Variants in MYO16 observed in about 807,000 individuals in gnomAD.
MYO16 encodes unconventional myosin-XVI.
Under a neutral mutation model 205.3 loss-of-function variants are expected in MYO16, and 94 were observed. The observed-to-expected ratio is 0.46, with a 90% CI of 0.39 to 0.54. MYO16 has a LOEUF of 0.54. Ranked by LOEUF, MYO16 falls within the 20% of genes least tolerant of loss-of-function variation. The pLI, the probability that MYO16 is intolerant of heterozygous loss-of-function variation, is 0.00. For missense variants in MYO16, 2,315 were observed against 2,387.5 expected (o/e 0.97, Z 0.63); for synonymous variants, 988 against 954.0 (o/e 1.04, Z -0.66).
At chr13:108,880,926 G>T (rs188269553) in intron 12 of MYO16, among the ~76,000 whole-genome samples, 1 of 152,254 alleles carries the variant, frequency 6.6e-6, no homozygotes, top group Non-Finnish European at 1.5e-5. Context: ...TGATGAAGAT[G>T]GCATTGAATC....
the MYO16 span, among the ~76,000 whole-genome samples, chr13:108,507,023 A>G: frequency 3.3e-5 from 5 of 152,176 alleles, no homozygotes; most frequent in African/African-American, 1.2e-4. Context: ...CTTACATTAC[A>G]GGAATTAATC....
intron 30 of MYO16, among the ~76,000 whole-genome samples, chr13:109,126,322 C>T (rs1876246171): frequency 6.6e-6 from 1 of 152,162 alleles, no homozygotes; most frequent in South Asian, 2.1e-4. Flanking sequence ...TCAGCTATTT[C>T]ATTTTCTACA....
At position 109,083,425 on chromosome 13, in the gene MYO16, T is replaced by C. The variant is rs185772548; in HGVS notation, c.3336-17360T>C. On this transcript the variant is annotated intron_variant, in intron 27 of 34. Transcript: ENST00000457511. ...AAAAAAAAAAAAAAAAAAAAGCTTC[T>C]GCAGTAGAGACGATCAAAAAGCAAG... Among the ~76,000 whole-genome samples, 297 of 130,932 alleles carry C rather than the reference T, an allele frequency of 2.3e-3. 3 individuals are homozygous for C. In the East Asian group the frequency reaches 0.048, roughly 21 times the overall value. The allele number at this position is 130,932 out of a possible 152,430, so 85.9% of individuals were successfully genotyped here.
intron 9 of MYO16, among the ~76,000 whole-genome samples, chr13:108,843,957 A>T (rs1877380349): frequency 6.6e-6 from 1 of 152,126 alleles, no homozygotes; most frequent in African/African-American, 2.4e-5. Context: ...TAAACTAATT[A>T]TACAATTATG....
intron 14 of MYO16, among the ~76,000 whole-genome samples, chr13:108,894,817 C>A (rs983829085): frequency 2.0e-5 from 3 of 152,156 alleles, no homozygotes; most frequent in African/African-American, 7.2e-5. Context: ...TTCAGAGCAG[C>A]TAAGAGCAGT....
rs1169461417 is a variant in MYO16, at chr13:109,162,775, A to G, written c.5165-2126A>G. 6.6e-6 allele frequency among the ~76,000 whole-genome samples: 1 copy of G among 152,176 alleles called. No homozygotes were observed. Among genetic ancestry groups the G allele is most frequent in the Non-Finnish European group, 1.5e-5 (1 of 68,030 alleles). The stretch of plus-strand genomic sequence containing the variant: ...CAAAAATAAAATAGGTGAAAGCAAC[A>G]TAAAAGCAGGTGAGTACATCTTGAG... On this transcript the variant is annotated intron_variant, in intron 32 of 34. Coordinates refer to ENST00000457511, the MANE Select transcript of MYO16 (RefSeq NM_001198950.3). This position sits in a 1 kb window ranked among gnomAD's most constrained non-coding sequence, Gnocchi z 4.6.
chr13:108,627,334 A>C (rs144352330), upstream of MYO16, among the ~76,000 whole-genome samples: 19 of 152,274 alleles, frequency 1.2e-4, no homozygotes, highest in East Asian at 3.5e-3. Flanking sequence ...AGCACATTCT[A>C]AGTAGTTTAA....
chr13:108,890,268 C>G (rs1262002982), intron 14 of MYO16, among the ~76,000 whole-genome samples: 1 of 152,018 alleles, frequency 6.6e-6, no homozygotes, highest in Non-Finnish European at 1.5e-5. Flanking sequence ...CCAACACATT[C>G]TGAATATCCT....
At chr13:109,196,126 C>A (rs1880141212) in intron 34 of MYO16, among the ~76,000 whole-genome samples, 1 of 152,118 alleles carries the variant, frequency 6.6e-6, no homozygotes, top group African/African-American at 2.4e-5. Flanking sequence ...ATCACTTTAT[C>A]AAACTCCATC....
At chr13:109,022,736 T>C (rs1464896584) in intron 23 of MYO16, among the ~76,000 whole-genome samples, 1 of 134,048 alleles carries the variant, frequency 7.5e-6, no homozygotes, top group Non-Finnish European at 1.5e-5. Context: ...TATGTATATA[T>C]TATATATATG....
intron 27 of MYO16, among the ~76,000 whole-genome samples, chr13:109,078,771 A>G (rs6492165): frequency 0.57 from 86,041 of 151,918 alleles, 24,548 homozygotes; most frequent in Non-Finnish European, 0.6. Context: ...ACCAAGGGCC[A>G]ATTATATCTT....
chr13:108,812,837 T>C (rs111459802), intron 7 of MYO16, among the ~76,000 whole-genome samples: 17 of 152,250 alleles, frequency 1.1e-4, no homozygotes, highest in African/African-American at 4.1e-4. Flanking sequence ...TTTTCCACCA[T>C]GTGAGGATAT....
chr13:108,505,347 T>G, the MYO16 span, among the ~76,000 whole-genome samples: 1 of 152,190 alleles, frequency 6.6e-6, no homozygotes, highest in African/African-American at 2.4e-5. Context: ...TGTTTGCTTG[T>G]TTGTTTGATA....
chr13:108,565,395 A>G, the MYO16 span, among the ~76,000 whole-genome samples: 7 of 152,058 alleles, frequency 4.6e-5, no homozygotes, highest in Admixed American at 2.6e-4. Context: ...TATTTCATTC[A>G]TTGGTTAAGT....
In MYO16 at chr13:109,192,660, C is replaced by A. The variant is rs115611698; in HGVS notation, c.5415+13027C>A. Among the ~76,000 whole-genome samples, 369 of 152,278 alleles carry A rather than the reference C, an allele frequency of 2.4e-3. 2 individuals are homozygous for A. The highest frequency in any genetic ancestry group is 8.5e-3 in the African/African-American group (354 of 41,562). On this transcript the variant is annotated intron_variant, in intron 34 of 34. Coordinates refer to ENST00000457511, the MANE Select transcript of MYO16 (RefSeq NM_001198950.3). Reference sequence around the variant, plus strand: ...ACAAGCATAGCCCATGCAACCCAACCTTGACTATCTTCTATGACCTTTCTC... The same window carrying A: ...ACAAGCATAGCCCATGCAACCCAACATTGACTATCTTCTATGACCTTTCTC...
intron 24 of MYO16, among the ~76,000 whole-genome samples, chr13:109,048,070 C>G (rs985586384): frequency 4.6e-5 from 7 of 151,606 alleles, no homozygotes; most frequent in African/African-American, 7.3e-5. Flanking sequence ...ATGCACTTCT[C>G]TTTTATGGAG....
intron 2 of MYO16, among the ~76,000 whole-genome samples, chr13:108,685,230 C>A (rs574815851): frequency 2.6e-5 from 4 of 152,098 alleles, no homozygotes. Flanking sequence ...ACCATGCAGG[C>A]CAGGATGGTT....
chr13:108,825,349 T>G (rs1249405337), intron 9 of MYO16, among the ~76,000 whole-genome samples: 6 of 151,896 alleles, frequency 4.0e-5, no homozygotes, highest in Admixed American at 3.9e-4. Flanking sequence ...CACCCTTTTA[T>G]GAGAAAAAAG....
At chr13:109,097,138 T>G (rs1888803337) in intron 27 of MYO16, among the ~76,000 whole-genome samples, 1 of 152,236 alleles carries the variant, frequency 6.6e-6, no homozygotes, top group Non-Finnish European at 1.5e-5. Flanking sequence ...GAGACTAGCC[T>G]GGCCAACATG....
Sources: gnomAD v4.1 joint callset for allele counts (sites outside exome capture counted in the v4.1 genomes callset) on GRCh38, gnomAD v4.1.1 for gene constraint, Gnocchi (gnomAD v3.1) non-coding constraint, MANE v1.5 for transcripts, NCBI Gene and HGNC (gene_info 2026-07-23, HGNC 2026-07-21) for gene names.